Variants in CAMK2D observed in about 807,000 individuals in gnomAD.
The protein encoded by CAMK2D is calcium/calmodulin-dependent protein kinase type II subunit delta.
In CAMK2D, 37 loss-of-function variants were observed where a neutral mutation model predicts 84.0. That is an observed-to-expected ratio of 0.44 (90% CI 0.34 to 0.58). The LOEUF is 0.58. Among genes scored for constraint, CAMK2D ranks in the 20% least tolerant of loss-of-function variants. The pLI is 0.02. For missense variants in CAMK2D, 448 were observed against 652.5 expected, an observed-to-expected ratio of 0.69 and a Z score of 3.41; for synonymous variants, 202 against 212.5, an observed-to-expected ratio of 0.95 and a Z score of 0.43.
chr4:113,683,477 A>T (rs2099351486), intron 2 of CAMK2D, among the ~76,000 whole-genome samples: 1 of 152,238 alleles, frequency 6.6e-6, no homozygotes, highest in African/African-American at 2.4e-5. Flanking sequence ...AAACACCACC[A>T]TACAATGAAA....
intron 9 of CAMK2D, 57 bp from the exon 10 acceptor site, chr4:113,515,248 G>C: frequency 8.1e-7 from 1 of 1,229,952 alleles, no homozygotes; most frequent in Non-Finnish European, 1.1e-6. Flanking sequence ...GATCAAACAG[G>C]GAAGAGTCAA....
At chr4:113,657,168 T>C (rs577641050) in intron 3 of CAMK2D, among the ~76,000 whole-genome samples, 1 of 152,318 alleles carries the variant, frequency 6.6e-6, no homozygotes, top group South Asian at 2.1e-4. Context: ...CTTTCCTCAA[T>C]TGCAATAGTA....
chr4:113,515,948 A>AACTT (rs2098278653), intron 9 of CAMK2D, among the ~76,000 whole-genome samples: 1 of 152,204 alleles, frequency 6.6e-6, no homozygotes, highest in Admixed American at 6.5e-5. Context: ...ATAATTACTT[A>AACTT]ACTTACTTTT....
intron 16 of CAMK2D, among the ~76,000 whole-genome samples, chr4:113,492,041 TATTA>T (rs1343537599): frequency 1.3e-5 from 2 of 152,194 alleles, no homozygotes; most frequent in East Asian, 3.8e-4. Context: ...TTTTTTTCTT[TATTA>T]GTCTTCCTAG....
At chr4:113,599,573 A>T (rs1481045115) in intron 4 of CAMK2D, among the ~76,000 whole-genome samples, 2 of 152,192 alleles carry the variant, frequency 1.3e-5, no homozygotes, top group Non-Finnish European at 2.9e-5. Context: ...ATTCTTGAAC[A>T]ACATGAGGGG....
In CAMK2D at chr4:113,676,746, CA is replaced by C. The variant is rs149065021; in HGVS notation, c.161-14975del. Among the ~76,000 whole-genome samples, 819 of 152,256 alleles carry C rather than the reference CA, an allele frequency of 5.4e-3. 6 individuals carry two copies. The highest frequency in any genetic ancestry group is 0.019 in the African/African-American group (786 of 41,544). On this transcript the variant is annotated intron_variant, in intron 2 of 20. Coordinates refer to ENST00000511664, the MANE Select transcript of CAMK2D (RefSeq NM_001321571.2). ...TATCATCAAGGATGGAAATTTGAGC[CA>C]AAGAAAATTCTGTACAGACCTTGCT...
At chr4:113,632,963 A>G (rs2099096033) in intron 3 of CAMK2D, among the ~76,000 whole-genome samples, 1 of 152,256 alleles carries the variant, frequency 6.6e-6, no homozygotes, top group African/African-American at 2.4e-5. Flanking sequence ...ATGGTTTTCA[A>G]AAGGTAATTT....
intron 3 of CAMK2D, among the ~76,000 whole-genome samples, chr4:113,632,003 T>C (rs755518903): frequency 5.3e-5 from 8 of 152,160 alleles, no homozygotes; most frequent in Non-Finnish European, 8.8e-5. Context: ...TTATGTAGAA[T>C]TGGGAAAATG....
At chr4:113,561,795 A>G (rs1261342175) in intron 4 of CAMK2D, among the ~76,000 whole-genome samples, 2 of 152,360 alleles carry the variant, frequency 1.3e-5, no homozygotes, top group East Asian at 3.9e-4. Context: ...TCAGTAGCTA[A>G]GAAGTGACTT....
At chr4:113,508,836 T>TTAA (rs1590382327) in intron 13 of CAMK2D, among the ~76,000 whole-genome samples, 1 of 152,196 alleles carries the variant, frequency 6.6e-6, no homozygotes, top group East Asian at 1.9e-4. Flanking sequence ...AGAAAATTAA[T>TTAA]TAATTCCCAA....
chr4:113,696,282 C>G (rs893482319), intron 2 of CAMK2D, among the ~76,000 whole-genome samples: 2 of 151,718 alleles, frequency 1.3e-5, no homozygotes, highest in African/African-American at 2.4e-5. Context: ...TTCTCCACAG[C>G]CCTATTACCA....
intron 16 of CAMK2D, among the ~76,000 whole-genome samples, chr4:113,498,769 C>T (rs1314014323): frequency 2.6e-5 from 4 of 152,070 alleles, no homozygotes; most frequent in African/African-American, 9.7e-5. Context: ...AAATAAATTA[C>T]AAACTACAAG....
intron 2 of CAMK2D, among the ~76,000 whole-genome samples, chr4:113,732,187 G>A (rs571249746): frequency 4.6e-5 from 7 of 151,860 alleles, no homozygotes; most frequent in African/African-American, 9.7e-5. Flanking sequence ...TCAGTGGTGC[G>A]ATCATAGCTC....
intron 4 of CAMK2D, among the ~76,000 whole-genome samples, chr4:113,562,259 A>G (rs982580209): frequency 1.3e-5 from 2 of 152,176 alleles, no homozygotes; most frequent in Non-Finnish European, 2.9e-5. Context: ...CAAATTATAA[A>G]TTCTGCCAGA....
At chr4:113,505,966 CAACTT>C (rs1363392032) in intron 13 of CAMK2D, among the ~76,000 whole-genome samples, 4 of 152,108 alleles carry the variant, frequency 2.6e-5, no homozygotes, top group Admixed American at 6.6e-5. Flanking sequence ...TCATGCATGA[CAACTT>C]ACATTACGGT....
intron 2 of CAMK2D, among the ~76,000 whole-genome samples, chr4:113,672,518 G>A (rs751789293): frequency 4.6e-5 from 7 of 151,852 alleles, no homozygotes; most frequent in Non-Finnish European, 7.4e-5. Context: ...AAGATGTTTC[G>A]GTTTAAGTAC....
At chr4:113,506,940 G>T (rs1269061455) in intron 13 of CAMK2D, among the ~76,000 whole-genome samples, 1 of 150,676 alleles carries the variant, frequency 6.6e-6, no homozygotes, top group Non-Finnish European at 1.5e-5. Context: ...CAGATACACA[G>T]CATACACACA....
At chr4:113,667,912 G>C (rs1437909417) in intron 2 of CAMK2D, among the ~76,000 whole-genome samples, 2 of 152,156 alleles carry the variant, frequency 1.3e-5, no homozygotes, top group Non-Finnish European at 2.9e-5. Context: ...TCATGGCAAA[G>C]TAGAATTAGA....
intron 2 of CAMK2D, among the ~76,000 whole-genome samples, chr4:113,734,604 G>A (rs1445255311): frequency 6.6e-6 from 1 of 151,910 alleles, no homozygotes; most frequent in Non-Finnish European, 1.5e-5. Flanking sequence ...AAGAGAGTGG[G>A]AGGTCCAAGC....
Sources: gnomAD v4.1 joint callset for allele counts (sites outside exome capture counted in the v4.1 genomes callset) on GRCh38, gnomAD v4.1.1 for gene constraint, MANE v1.5 for transcripts, NCBI Gene and HGNC (gene_info 2026-07-23, HGNC 2026-07-21) for gene names.